Variants in SMC3 observed in about 807,000 individuals in gnomAD.
SMC3 encodes the protein structural maintenance of chromosomes 3.
SMC3 carries 20 observed loss-of-function variants against 171.8 expected under a neutral mutation model. That is an observed-to-expected ratio of 0.12 (90% CI 0.08 to 0.17). The LOEUF (loss-of-function observed/expected upper bound fraction) is 0.17. Among genes scored for constraint, SMC3 ranks in the 10% least tolerant of loss-of-function variants. SMC3 has a pLI of 1.00. For synonymous variants in SMC3, 464 were observed against 451.1 expected (o/e 1.03, Z -0.36); for missense variants, 543 against 1,420.4 (o/e 0.38, Z 9.93).
chr10:110,599,927 A>C, intron 21 of SMC3, 115 bp downstream of exon 21: 1 of 1,013,842 alleles, frequency 9.9e-7, no homozygotes, highest in Admixed American at 1.9e-5. Flanking sequence ...TATTAAAATG[A>C]GGCTTGGACT....
intron 17 of SMC3, among the ~76,000 whole-genome samples, chr10:110,591,803 T>A (rs193172678): frequency 1.8e-4 from 28 of 152,344 alleles, no homozygotes; most frequent in African/African-American, 6.3e-4. Flanking sequence ...AGTGGAACAT[T>A]AAGAATCTTG....
chr10:110,589,599 C>T lies in SMC3; in HGVS notation c.1306-6C>T. The stretch of plus-strand genomic sequence containing the variant: ...TTGAATTTTAAATTTATTTTTATTT[C>T]CATAGAAACTGGACCAGGATCTTAA... On this transcript the variant is annotated splice_region_variant and splice_polypyrimidine_tract_variant and intron_variant, in intron 13 of 28. Coordinates refer to ENST00000361804, the MANE Select transcript of SMC3 (RefSeq NM_005445.4). 1.3e-6 allele frequency: 2 copies of T among 1,558,294 alleles called. No individual in the cohort carries two copies. The highest frequency in any genetic ancestry group is 1.8e-6 in the Non-Finnish European group (2 of 1,131,130).
At chr10:110,585,852 C>T (rs1748118909) in intron 13 of SMC3, among the ~76,000 whole-genome samples, 1 of 151,962 alleles carries the variant, frequency 6.6e-6, no homozygotes, top group African/African-American at 2.4e-5. Flanking sequence ...GGCTGGAGTG[C>T]AGTGGCGCGA....
chr10:110,582,695 G>GA, intron 10 of SMC3, 53 bp downstream of exon 10: 1 of 1,333,916 alleles, frequency 7.5e-7, no homozygotes, highest in Non-Finnish European at 1.1e-6. Context: ...TTGAGACAGG[G>GA]TCTTGTTCTG....
Position 110,604,879 on chromosome 10 carries a change from T to G in SMC3, c.*577T>G, listed in dbSNP as rs1861445331. ...TTACTATCAACTAAGCTCAAGATTTTATTCAGATTTGACTAGTTTTTCCAC... is the reference window on the plus strand; with the variant it reads ...TTACTATCAACTAAGCTCAAGATTTGATTCAGATTTGACTAGTTTTTCCAC... On this transcript the variant is annotated 3_prime_UTR_variant, in exon 29 of 29. Coordinates refer to ENST00000361804, the MANE Select transcript of SMC3 (RefSeq NM_005445.4). Among the ~76,000 whole-genome samples, 1 of 152,234 alleles carries G rather than the reference T, an allele frequency of 6.6e-6. No homozygotes were observed. The highest frequency in any genetic ancestry group is 2.1e-4 in the South Asian group (1 of 4,836).
chr10:110,581,637 C>A (rs189744012), intron 8 of SMC3, among the ~76,000 whole-genome samples: 1 of 152,254 alleles, frequency 6.6e-6, no homozygotes, highest in East Asian at 1.9e-4. Context: ...GATCTTAACC[C>A]ATTTATGCCT....
rs530623102 is a variant in SMC3, at chr10:110,599,217, C to T, written c.2269-437C>T. Among the ~76,000 whole-genome samples, 8 of 152,258 alleles carry T rather than the reference C, an allele frequency of 5.3e-5. No homozygotes were observed. The South Asian group carries it at 1.7e-3, about 32-fold the overall frequency. ...GGTTCAAGCAATTCTCCTGCCTCGG[C>T]CTCCAGAGTAGCTGGGATTGCAGGC... On this transcript the variant is annotated intron_variant, in intron 20 of 28. Transcript: ENST00000361804.
At chr10:110,596,582 A>G (rs1272662418) in intron 19 of SMC3, 32 bp downstream of exon 19, 6 of 1,598,178 alleles carry the variant, frequency 3.8e-6, no homozygotes, top group Non-Finnish European at 5.1e-6. Context: ...AGTGATAGAT[A>G]TTGTGGGGGA....
chr10:110,586,554 A>G (rs1265289306), intron 13 of SMC3, among the ~76,000 whole-genome samples: 1 of 152,156 alleles, frequency 6.6e-6, no homozygotes, highest in Non-Finnish European at 1.5e-5. Context: ...CTTGAAGTTC[A>G]TTATTTTCCA....
chr10:110,589,800 C>G lies in SMC3; in HGVS notation c.1409+92C>G, dbSNP rs374501598. 3.4e-6 allele frequency: 5 copies of G among 1,468,642 alleles called. No homozygotes were observed. In the African/African-American group the frequency reaches 7.0e-5, roughly 20 times the overall value. The allele number at this position is 1,468,642 out of a possible 1,614,324, so 91.0% of individuals were successfully genotyped here. On this transcript the variant is annotated intron_variant, in intron 14 of 28. Coordinates refer to ENST00000361804, the MANE Select transcript of SMC3 (RefSeq NM_005445.4). ...TTAAGTTACAAGTTAACCGGTCAGG[C>G]TTGTTTTCTGTATTTTGATTCTAAA...
At chr10:110,589,489 A>C (rs941830837) in intron 13 of SMC3, 116 bp from the exon 14 acceptor site, 1 of 698,540 alleles carries the variant, frequency 1.4e-6, no homozygotes, top group Non-Finnish European at 2.6e-6. Flanking sequence ...CCCCTTTGTA[A>C]TTCCTCCCTC....
intron 3 of SMC3, among the ~76,000 whole-genome samples, chr10:110,574,944 A>G (rs964569199): frequency 6.6e-6 from 1 of 152,158 alleles, no homozygotes. Flanking sequence ...AATACATCCT[A>G]TTTTGTTAAA....
chr10:110,577,945 G>T (rs1050460313), intron 6 of SMC3, 31 bp downstream of exon 6: 1 of 1,426,912 alleles, frequency 7.0e-7, no homozygotes, highest in Non-Finnish European at 9.9e-7. Context: ...TAAAAAAACT[G>T]AATATGTACT....
In SMC3 at chr10:110,601,630, A is replaced by G. The variant is rs776507398; in HGVS notation, c.2645-7A>G. 29 of 1,610,352 alleles carry G rather than the reference A, an allele frequency of 1.8e-5. No individual in the cohort carries two copies. Among genetic ancestry groups the G allele is most frequent in the Non-Finnish European group, 2.4e-5 (28 of 1,179,592 alleles). ...TTATAGCCTAATTTTGTTTCCCCCC[A>G]TCTTAGATTTGGACAATTCCATTGA... is the stretch of plus-strand genomic sequence containing the variant. On this transcript the variant is annotated splice_region_variant and splice_polypyrimidine_tract_variant and intron_variant, in intron 23 of 28. Coordinates refer to ENST00000361804, the MANE Select transcript of SMC3 (RefSeq NM_005445.4).
Position 110,567,752 on chromosome 10 carries a change from T to A in SMC3, c.-65T>A, listed in dbSNP as rs886046692. On this transcript the variant is annotated 5_prime_UTR_variant, in exon 1 of 29. Transcript: ENST00000361804. ...GGAGGGGTCGCGTAGGCGCCTCACC[T>A]GACCCTGCGGCCGTGCGGTTGCTGC... 5.8e-5 allele frequency: 93 copies of A among 1,604,550 alleles called. No homozygotes were observed. The highest frequency in any genetic ancestry group is 7.1e-5 in the Non-Finnish European group (83 of 1,172,416).
rs369420182 is a variant in SMC3, at chr10:110,594,304, C to A, written c.1963+1081C>A. Among the ~76,000 whole-genome samples, 456 of 150,824 alleles carry A rather than the reference C, an allele frequency of 3.0e-3. 2 individuals carry two copies. The highest frequency in any genetic ancestry group is 0.011 in the African/African-American group (436 of 41,160). On this transcript the variant is annotated intron_variant, in intron 18 of 28. Coordinates refer to ENST00000361804, the MANE Select transcript of SMC3 (RefSeq NM_005445.4). The stretch of plus-strand genomic sequence containing the variant: ...GATCACAAAGGAGATGAATTGTATT[C>A]GCATGGTTATTATTTTAAAAAATAT...
At chr10:110,580,160 G>A (rs1360424726) in intron 7 of SMC3, among the ~76,000 whole-genome samples, 2 of 152,078 alleles carry the variant, frequency 1.3e-5, no homozygotes, top group Non-Finnish European at 2.9e-5. Flanking sequence ...GTATATGGAA[G>A]GATGTGCATA....
chr10:110,596,249 A>C, intron 18 of SMC3, 149 bp from the exon 19 acceptor site: 1 of 605,660 alleles, frequency 1.7e-6, no homozygotes, highest in Admixed American at 3.6e-5. Flanking sequence ...AAAATCTAGC[A>C]TTGAAAAGCA....
chr10:110,603,382 C>T, intron 28 of SMC3, 92 bp downstream of exon 28: 1 of 820,498 alleles, frequency 1.2e-6, no homozygotes. Context: ...TGAAAGAAAA[C>T]TTAGAAAGTC....
Sources: gnomAD v4.1 joint callset for allele counts (sites outside exome capture counted in the v4.1 genomes callset) on GRCh38, gnomAD v4.1.1 for gene constraint, MANE v1.5 for transcripts, NCBI Gene and HGNC (gene_info 2026-07-23, HGNC 2026-07-21) for gene names.